TOX2: variants seen among roughly 807,000 people sequenced by gnomAD.
TOX2 encodes the protein TOX high mobility group box family member 2, also known as granulosa cell HMG box 1.
In TOX2, 15 loss-of-function variants were observed where a neutral mutation model predicts 47.4. That is an observed-to-expected ratio of 0.32 (90% confidence interval 0.21 to 0.49). The LOEUF is 0.49. TOX2 is among the 20% of genes least tolerant of loss of function. The pLI is 0.99. For missense variants in TOX2, 622 were observed against 673.1 expected, an observed-to-expected ratio of 0.92 and a Z score of 0.84; for synonymous variants, 290 against 296.6, an observed-to-expected ratio of 0.98 and a Z score of 0.23.
chr20:43,922,868 C>T (rs1033930332), intron 1 of TOX2, among the ~76,000 whole-genome samples: 2 of 152,088 alleles, frequency 1.3e-5, no homozygotes, highest in African/African-American at 4.8e-5. Context: ...GGGATTCAGC[C>T]CTGTCCTGGA....
intron 3 of TOX2, among the ~76,000 whole-genome samples, chr20:44,026,144 C>T (rs372046247): frequency 1.5e-4 from 22 of 150,638 alleles, no homozygotes; most frequent in Admixed American, 1.1e-3. Context: ...GACTTCTTTC[C>T]GCGTGATTAT....
At chr20:44,053,209 G>A (rs1236269203) in intron 4 of TOX2, among the ~76,000 whole-genome samples, 1 of 152,178 alleles carries the variant, frequency 6.6e-6, no homozygotes, top group Admixed American at 6.5e-5. Context: ...GAAGCCCTAA[G>A]TCAAGTGTTC....
chr20:44,067,885 G>A (rs950919158), intron 8 of TOX2, among the ~76,000 whole-genome samples: 4 of 152,198 alleles, frequency 2.6e-5, no homozygotes, highest in African/African-American at 7.2e-5. Flanking sequence ...CAGCGATAGC[G>A]CCACAACCTG....
At chr20:43,947,458 C>T (rs1245586017) in intron 1 of TOX2, among the ~76,000 whole-genome samples, 2 of 152,212 alleles carry the variant, frequency 1.3e-5, no homozygotes, top group African/African-American at 4.8e-5. Context: ...GATGTCGGCT[C>T]AGCTCATGAG....
chr20:43,996,894 A>G (rs964050843), intron 2 of TOX2, among the ~76,000 whole-genome samples: 22 of 152,080 alleles, frequency 1.4e-4, no homozygotes, highest in African/African-American at 4.8e-4. Flanking sequence ...GAGTTACAGC[A>G]CCTCATGTTT....
chr20:43,925,623 G>T (rs1221088531), intron 1 of TOX2, among the ~76,000 whole-genome samples: 1 of 152,216 alleles, frequency 6.6e-6, no homozygotes, highest in African/African-American at 2.4e-5. Flanking sequence ...CCCAGCGCAG[G>T]CTTCCTCTCT....
At chr20:43,975,131 C>T (rs2070053481) in intron 2 of TOX2, among the ~76,000 whole-genome samples, 1 of 152,144 alleles carries the variant, frequency 6.6e-6, no homozygotes, top group African/African-American at 2.4e-5. Context: ...ACATATTGAG[C>T]CCTGGTTTTC....
At position 44,054,341 on chromosome 20, in the gene TOX2, G is replaced by T. The variant is rs74593867; in HGVS notation, c.694G>T (p.Ala232Ser). The T allele has an allele frequency of 6.2e-7, 1 of 1,612,568 alleles. No homozygotes were observed. Among genetic ancestry groups the T allele is most frequent in the Non-Finnish European group, 8.5e-7 (1 of 1,179,538 alleles). Reference protein sequence around the residue: ...KRPSADPGKKAKNPKKKKKKD... With the variant: ...KRPSADPGKKSKNPKKKKKKD... Reference sequence around the variant, plus strand: ...ACCTTCAGCCGACCCAGGAAAAAAGGCCAAGAACCCGAAGAAGAAGAAAAA... The same window carrying T: ...ACCTTCAGCCGACCCAGGAAAAAAGTCCAAGAACCCGAAGAAGAAGAAAAA... Residue 232 changes from alanine (A) to serine (S), a missense_variant, in exon 5 of 9, where the codon GCC (alanine) becomes TCC (serine). Transcript: ENST00000341197.
chr20:43,980,638 C>T (rs1264877137), intron 2 of TOX2, among the ~76,000 whole-genome samples: 1 of 151,962 alleles, frequency 6.6e-6, no homozygotes, highest in African/African-American at 2.4e-5. Context: ...CACCTATGTA[C>T]ACACAAAAAT....
At chr20:43,947,486 C>T (rs779449855) in intron 1 of TOX2, among the ~76,000 whole-genome samples, 6 of 152,184 alleles carry the variant, frequency 3.9e-5, no homozygotes, top group Admixed American at 6.5e-5. Flanking sequence ...TGGCTCACAA[C>T]GGCATGTGTT....
At chr20:44,044,312 A>C (rs1487515311) in intron 3 of TOX2, among the ~76,000 whole-genome samples, 2 of 152,096 alleles carry the variant, frequency 1.3e-5, no homozygotes, top group East Asian at 3.8e-4. Flanking sequence ...GCATGAGGAG[A>C]TATACCTAAT....
chr20:44,001,199 G>A (rs1330047631), intron 2 of TOX2, among the ~76,000 whole-genome samples: 1 of 152,188 alleles, frequency 6.6e-6, no homozygotes, highest in African/African-American at 2.4e-5. Flanking sequence ...TCTACTGTAG[G>A]AAAATGCTGG....
intron 3 of TOX2, among the ~76,000 whole-genome samples, chr20:44,044,860 AC>A (rs2071389888): frequency 6.6e-6 from 1 of 152,226 alleles, no homozygotes; most frequent in South Asian, 2.1e-4. Context: ...ATAATGCCCA[AC>A]CAACTGCCTA....
At chr20:44,030,378 G>A (rs2071131283) in intron 3 of TOX2, among the ~76,000 whole-genome samples, 1 of 152,146 alleles carries the variant, frequency 6.6e-6, no homozygotes. Flanking sequence ...AGCCAAGCTG[G>A]CCTTTCTGAA....
intron 2 of TOX2, among the ~76,000 whole-genome samples, chr20:43,994,003 A>G (rs1018118723): frequency 6.6e-6 from 1 of 151,878 alleles, no homozygotes; most frequent in Non-Finnish European, 1.5e-5. Flanking sequence ...AAAATAAAAA[A>G]TAGTAGGACA....
At chr20:44,057,629 T>C (rs1020818172) in intron 5 of TOX2, among the ~76,000 whole-genome samples, 63 of 151,574 alleles carry the variant, frequency 4.2e-4, no homozygotes, top group Non-Finnish European at 5.9e-5. Flanking sequence ...TTATATACAA[T>C]GTAACCTTGA....
chr20:44,068,393 G>T (rs2071872573), intron 8 of TOX2, among the ~76,000 whole-genome samples: 1 of 152,028 alleles, frequency 6.6e-6, no homozygotes, highest in African/African-American at 2.4e-5. Flanking sequence ...GCGCCTCGAT[G>T]AAAGACAGAC....
intron 2 of TOX2, among the ~76,000 whole-genome samples, chr20:43,998,462 G>A (rs778596249): frequency 4.5e-4 from 69 of 152,224 alleles, no homozygotes; most frequent in African/African-American, 1.4e-3. Context: ...AGTGAATTGC[G>A]TCATTCAGAT....
intron 1 of TOX2, among the ~76,000 whole-genome samples, chr20:43,925,571 C>T (rs745451102): frequency 3.9e-5 from 6 of 152,158 alleles, no homozygotes; most frequent in East Asian, 1.9e-4. Flanking sequence ...GGGGCAAAAC[C>T]AACAAACAGC....
Sources: gnomAD v4.1 joint callset for allele counts (sites outside exome capture counted in the v4.1 genomes callset) on GRCh38, gnomAD v4.1.1 for gene constraint, MANE v1.5 for transcripts, NCBI Gene and HGNC (gene_info 2026-07-23, HGNC 2026-07-21) for gene names.